Variants in CHST9 observed in about 807,000 individuals in gnomAD.
CHST9 encodes the protein carbohydrate sulfotransferase 9.
Under a neutral mutation model 44.4 loss-of-function variants are expected in CHST9, and 41 were observed. The observed-to-expected ratio is 0.92, with a 90% confidence interval of 0.72 to 1.20. CHST9 has a LOEUF of 1.20. Among genes scored for constraint, CHST9 ranks in the 50% most tolerant of loss-of-function variants. The pLI is 0.00. For synonymous variants in CHST9, 171 were observed against 178.4 expected, an observed-to-expected ratio of 0.96 and a Z score of 0.33; for missense variants, 504 against 516.5, an observed-to-expected ratio of 0.98 and a Z score of 0.23.
Position 26,907,133 on chromosome 18 carries a change from G to A in CHST9, c.*9126C>T, listed in dbSNP as rs961599461. On this transcript the variant is annotated 3_prime_UTR_variant, in exon 6 of 6. Transcript: ENST00000618847. ...AAGATTATCGTAGAGTTGTAGACAGGAGAAGGTGAGAGTCTGAACTTAGAT... is the reference window on the plus strand; with the variant it reads ...AAGATTATCGTAGAGTTGTAGACAGAAGAAGGTGAGAGTCTGAACTTAGAT... 6.6e-6 allele frequency: 1 copy of A among 152,410 alleles called. No individual in the cohort carries two copies. Among genetic ancestry groups the A allele is most frequent in the African/African-American group, 2.4e-5 (1 of 41,448 alleles). The allele number at this position is 152,410 out of a possible 1,614,324, so 9.4% of individuals were successfully genotyped here.
intron 4 of CHST9, among the ~76,000 whole-genome samples, chr18:26,983,579 G>C (rs2056719394): frequency 6.6e-6 from 1 of 152,146 alleles, no homozygotes; most frequent in South Asian, 2.1e-4. Context: ...AGAGCCATGG[G>C]TCGATTAAAT....
chr18:26,932,371 C>G (rs2145088948), intron 5 of CHST9, among the ~76,000 whole-genome samples: 1 of 152,292 alleles, frequency 6.6e-6, no homozygotes, highest in Admixed American at 6.5e-5. Context: ...TGCCTCCACA[C>G]TACTGTTAGA....
chr18:27,174,474 A>C (rs1191023175), intron 1 of CHST9, among the ~76,000 whole-genome samples: 1 of 152,000 alleles, frequency 6.6e-6, no homozygotes, highest in Admixed American at 6.6e-5. Context: ...TAGTGATGTC[A>C]AGTCTGATCA....
At chr18:27,075,235 A>ATATTTG (rs2057891153) in intron 2 of CHST9, among the ~76,000 whole-genome samples, 1 of 149,094 alleles carries the variant, frequency 6.7e-6, no homozygotes, top group African/African-American at 2.5e-5. Flanking sequence ...TGGTGGGTTG[A>ATATTTG]TATTTGTCAC....
intron 2 of CHST9, among the ~76,000 whole-genome samples, chr18:27,072,794 G>A (rs891790166): frequency 6.6e-6 from 1 of 152,194 alleles, no homozygotes; most frequent in African/African-American, 2.4e-5. Flanking sequence ...TGGAAGCATA[G>A]AAGTATGCCT....
intron 1 of CHST9, among the ~76,000 whole-genome samples, chr18:27,156,159 C>A (rs2058697050): frequency 1.7e-5 from 2 of 116,014 alleles, no homozygotes; most frequent in Non-Finnish European, 3.7e-5. Flanking sequence ...TGAAATATGG[C>A]CAAAAAAAAA....
At chr18:27,068,384 T>C (rs370681767) in intron 2 of CHST9, among the ~76,000 whole-genome samples, 2 of 152,170 alleles carry the variant, frequency 1.3e-5, no homozygotes, top group East Asian at 1.9e-4. Context: ...CATTTTCAGG[T>C]TCTTTGTTTC....
At chr18:27,143,036 A>C in intron 1 of CHST9, 131 bp from the exon 2 acceptor site, 1 of 337,428 alleles carries the variant, frequency 3.0e-6, no homozygotes, top group Non-Finnish European at 5.3e-6. Context: ...GACAGAAAAG[A>C]CTGTAGTAGG....
chr18:27,104,254 A>G (rs2058200838), intron 2 of CHST9, among the ~76,000 whole-genome samples: 1 of 152,122 alleles, frequency 6.6e-6, no homozygotes, highest in South Asian at 2.1e-4. Flanking sequence ...ATATATTCAA[A>G]TACATAGTCA....
chr18:27,116,513 T>C (rs2058321925), intron 2 of CHST9, among the ~76,000 whole-genome samples: 1 of 152,202 alleles, frequency 6.6e-6, no homozygotes, highest in Non-Finnish European at 1.5e-5. Context: ...TGGTAAGTTT[T>C]AAAATTGAAA....
rs1325848039 is a variant in CHST9, at chr18:26,992,340, T to C, written c.202+31776A>G. 1.3e-5 allele frequency among the ~76,000 whole-genome samples: 2 copies of C among 149,938 alleles called. 1 individual carries two copies. Among genetic ancestry groups the C allele is most frequent in the Non-Finnish European group, 3.0e-5 (2 of 67,372 alleles). Reference sequence around the variant, plus strand: ...AAAAGAAAAGTGTTATGTTTTCCTTTAAAGGAGTTTATAATCACTGAGGGT... The same window carrying C: ...AAAAGAAAAGTGTTATGTTTTCCTTCAAAGGAGTTTATAATCACTGAGGGT... On this transcript the variant is annotated intron_variant, in intron 4 of 5. Transcript: ENST00000618847.
chr18:27,109,343 C>T (rs2058249995), intron 2 of CHST9, among the ~76,000 whole-genome samples: 1 of 151,968 alleles, frequency 6.6e-6, no homozygotes, highest in South Asian at 2.1e-4. Flanking sequence ...GATTTATTGT[C>T]TCTATTTTAC....
chr18:27,139,136 T>G (rs1474884820), intron 2 of CHST9, among the ~76,000 whole-genome samples: 2 of 152,162 alleles, frequency 1.3e-5, no homozygotes, highest in Non-Finnish European at 2.9e-5. Context: ...GTATTTTATT[T>G]TAATACGAAA....
chr18:27,142,538 C>T, intron 2 of CHST9, 151 bp downstream of exon 2: 1 of 549,836 alleles, frequency 1.8e-6, no homozygotes, highest in East Asian at 3.8e-5. Context: ...ATTTTCCTTC[C>T]TTTTAGGAGC....
intron 2 of CHST9, among the ~76,000 whole-genome samples, chr18:27,065,750 G>A (rs1024698329): frequency 2.0e-5 from 3 of 152,068 alleles, no homozygotes; most frequent in South Asian, 2.1e-4. Flanking sequence ...TTTAGGAAAC[G>A]AAAAGAAAAT....
intron 2 of CHST9, among the ~76,000 whole-genome samples, chr18:27,097,799 A>G (rs1294652662): frequency 1.3e-5 from 2 of 152,130 alleles, no homozygotes; most frequent in Non-Finnish European, 2.9e-5. Flanking sequence ...TTTTCTGCAT[A>G]TGGCTAGCCA....
chr18:27,088,332 C>T (rs2058032852), intron 2 of CHST9, among the ~76,000 whole-genome samples: 1 of 152,052 alleles, frequency 6.6e-6, no homozygotes, highest in South Asian at 2.1e-4. Context: ...ATTCAATTTC[C>T]CATGTTACTA....
At chr18:27,078,412 C>A (rs1207169484) in intron 2 of CHST9, among the ~76,000 whole-genome samples, 1 of 152,136 alleles carries the variant, frequency 6.6e-6, no homozygotes, top group Non-Finnish European at 1.5e-5. Flanking sequence ...CCTCTGCAAA[C>A]ACTGAATTAA....
chr18:27,151,686 C>T (rs2058660607), intron 1 of CHST9, among the ~76,000 whole-genome samples: 1 of 152,040 alleles, frequency 6.6e-6, no homozygotes, highest in Non-Finnish European at 1.5e-5. Flanking sequence ...ACTGGAATCA[C>T]CTTTGTTCAT....
Sources: allele counts gnomAD v4.1 joint callset (sites outside exome capture counted in the v4.1 genomes callset), GRCh38; gene constraint gnomAD v4.1.1; transcripts MANE v1.5; gene names NCBI Gene and HGNC (gene_info 2026-07-23, HGNC 2026-07-21).